FAM186B: variants seen among roughly 807,000 people sequenced by gnomAD.
FAM186B encodes protein FAM186B.
Under a neutral mutation model 83.4 loss-of-function variants are expected in FAM186B, and 68 were observed. That is an observed-to-expected ratio of 0.81 (90% confidence interval 0.67 to 1.00). The LOEUF is 1.00. FAM186B is among the 50% of genes least tolerant of loss of function. The pLI is 0.00. For synonymous variants in FAM186B, 389 were observed against 422.0 expected, an observed-to-expected ratio of 0.92 and a Z score of 0.96; for missense variants, 983 against 1,099.2, an observed-to-expected ratio of 0.89 and a Z score of 1.49.
the FAM186B span, among the ~76,000 whole-genome samples, chr12:49,615,717 A>T: frequency 6.6e-6 from 1 of 152,190 alleles, no homozygotes; most frequent in African/African-American, 2.4e-5. Context: ...GAGTCCAGGG[A>T]AGTCAAGGCT....
the FAM186B span, among the ~76,000 whole-genome samples, chr12:49,610,648 G>C: frequency 6.6e-6 from 1 of 151,960 alleles, no homozygotes; most frequent in African/African-American, 2.4e-5. Flanking sequence ...AAACTAGCCG[G>C]ACACGGTCGT....
chr12:49,619,422 C>G, the FAM186B span: 1 of 538,898 alleles, frequency 1.9e-6, no homozygotes, highest in Non-Finnish European at 3.4e-6. Flanking sequence ...CCATTCATCC[C>G]CACTGGAATG....
intron 5 of FAM186B, among the ~76,000 whole-genome samples, chr12:49,594,865 ACT>A (rs1226484820): frequency 6.6e-6 from 1 of 150,470 alleles, no homozygotes; most frequent in African/African-American, 2.5e-5. Flanking sequence ...ACAGAGCAAG[ACT>A]CTGTCTCAAA....
At chr12:49,587,419 G>A, downstream of FAM186B, 1 of 723,378 alleles carries the variant, frequency 1.4e-6, no homozygotes, top group Non-Finnish European at 2.3e-6. Context: ...AGTGCTGTTG[G>A]CATGGGGACC....
At chr12:49,597,417 C>T (rs751739192) in intron 5 of FAM186B, among the ~76,000 whole-genome samples, 11 of 119,762 alleles carry the variant, frequency 9.2e-5, no homozygotes, top group African/African-American at 3.3e-5. Context: ...AACAAAAGGC[C>T]GAATTGAGGA....
At chr12:49,582,897 T>C (rs1374081327), downstream of FAM186B, 2 of 396,320 alleles carry the variant, frequency 5.0e-6, no homozygotes, top group Admixed American at 5.9e-5. Flanking sequence ...CACACACATA[T>C]ATATTTGTCT....
upstream of FAM186B, among the ~76,000 whole-genome samples, chr12:49,607,421 A>T (rs1356017770): frequency 6.6e-6 from 1 of 152,128 alleles, no homozygotes; most frequent in East Asian, 1.9e-4. Context: ...AAAGTTGGTA[A>T]ATTAGATGAA....
At chr12:49,595,510 G>T in intron 5 of FAM186B, 1 of 463,806 alleles carries the variant, frequency 2.2e-6, no homozygotes, top group South Asian at 1.7e-5. Flanking sequence ...GCTTGCTAAG[G>T]ACAAAATGAT....
the FAM186B span, among the ~76,000 whole-genome samples, chr12:49,617,304 G>A: frequency 1.3e-5 from 2 of 152,142 alleles, no homozygotes; most frequent in East Asian, 1.9e-4. Flanking sequence ...CAGCACTTTC[G>A]GAGGCCAGGG....
At chr12:49,616,967 TA>T in the FAM186B span, among the ~76,000 whole-genome samples, 1 of 152,202 alleles carries the variant, frequency 6.6e-6, no homozygotes, top group Non-Finnish European at 1.5e-5. Flanking sequence ...TGGAGGGTGT[TA>T]GGAAATAACT....
intron 5 of FAM186B, chr12:49,593,098 GAC>G (rs1329071635): frequency 1.3e-5 from 2 of 152,148 alleles, no homozygotes; most frequent in East Asian, 1.9e-4. Context: ...TAAATATAGA[GAC>G]ACAGTGCTCA....
At chr12:49,621,071 G>T in the FAM186B span, among the ~76,000 whole-genome samples, 3 of 152,080 alleles carry the variant, frequency 2.0e-5, no homozygotes, top group Non-Finnish European at 4.4e-5. Flanking sequence ...ATAGAATATG[G>T]CAAATAAAAA....
At chr12:49,619,427 G>T in the FAM186B span, 1 of 552,918 alleles carries the variant, frequency 1.8e-6, no homozygotes, top group Non-Finnish European at 3.3e-6. Context: ...CATCCCCACT[G>T]GAATGGCAGG....
chr12:49,605,254 A>C, intron 1 of FAM186B, 128 bp downstream of exon 1: 3 of 1,526,330 alleles, frequency 2.0e-6, no homozygotes, highest in Non-Finnish European at 2.6e-6. Context: ...CTGTCTGCAG[A>C]CCCAGGTTGC....
chr12:49,594,920 G>T (rs906419002), intron 5 of FAM186B, among the ~76,000 whole-genome samples: 16 of 150,864 alleles, frequency 1.1e-4, no homozygotes, highest in Admixed American at 9.9e-4. Context: ...TAATATCCAC[G>T]AAATACAGAT....
At chr12:49,596,292 T>C (rs573190170) in intron 5 of FAM186B, among the ~76,000 whole-genome samples, 271 of 123,516 alleles carry the variant, frequency 2.2e-3, no homozygotes, top group Middle Eastern at 6.8e-3. Flanking sequence ...AGTTCAAGAC[T>C]AGCCTCGGCA....
rs1939790794 is a variant in FAM186B, at chr12:49,598,823, C to T, written c.2296G>A (p.Asp766Asn). The T allele has an allele frequency of 6.2e-7, 1 of 1,613,150 alleles. No homozygotes were observed. The highest frequency in any genetic ancestry group is 8.5e-7 in the Non-Finnish European group (1 of 1,179,886). Residue 766 changes from aspartate (D) to asparagine (N), a missense_variant, in exon 5 of 7, where the codon GAC (aspartate) becomes AAC (asparagine). Transcript: ENST00000257894. ...TTCTCCTCCAGCCCCTTCTGCTTGT[C>T]CGTCCAGGCCTGCAGCCTGAGACTC... ...LQSLRLQAWT[D>N]KQKGLEEKHR...
the FAM186B span, among the ~76,000 whole-genome samples, chr12:49,613,237 T>A: frequency 6.6e-6 from 1 of 152,086 alleles, no homozygotes; most frequent in Non-Finnish European, 1.5e-5. Context: ...CCTCAAAAAG[T>A]TAGATCTCGG....
chr12:49,622,597 G>A, the FAM186B span: 3 of 152,254 alleles, frequency 2.0e-5, no homozygotes, highest in Admixed American at 2.0e-4. Context: ...TCTCTCTACA[G>A]CAGCCCACAA....
Sources: allele counts gnomAD v4.1 joint callset (sites outside exome capture counted in the v4.1 genomes callset), GRCh38; gene constraint gnomAD v4.1.1; transcripts MANE v1.5; gene names NCBI Gene and HGNC (gene_info 2026-07-23, HGNC 2026-07-21).